The following TBL1XR1 variants were observed in gnomAD, a reference collection of about 807,000 sequenced individuals.
TBL1XR1 encodes the protein F-box-like/WD repeat-containing protein TBL1XR1.
In TBL1XR1, 5 loss-of-function variants were observed where a neutral mutation model predicts 66.9. The observed-to-expected ratio is 0.07, with a 90% CI of 0.04 to 0.16. TBL1XR1 has a LOEUF of 0.16. Ranked by LOEUF, TBL1XR1 falls within the 10% of genes least tolerant of loss-of-function variation. The pLI, the probability that TBL1XR1 is intolerant of heterozygous loss-of-function variation, is 1.00. For synonymous variants in TBL1XR1, 210 were observed against 206.0 expected (o/e 1.02, Z -0.17); for missense variants, 238 against 623.2 (o/e 0.38, Z 6.58).
intron 2 of TBL1XR1, among the ~76,000 whole-genome samples, chr3:177,081,955 T>A (rs1721453621): frequency 6.6e-6 from 1 of 152,082 alleles, no homozygotes; most frequent in African/African-American, 2.4e-5. Context: ...TAAGGAGAAT[T>A]TGATGTTTAA....
At chr3:177,187,571 T>C (rs1735580020) in intron 1 of TBL1XR1, among the ~76,000 whole-genome samples, 1 of 152,000 alleles carries the variant, frequency 6.6e-6, no homozygotes, top group African/African-American at 2.4e-5. Flanking sequence ...AAAGAATTGG[T>C]TTAAAAATAC....
At chr3:177,188,996 AGGGG>A (rs994812651) in intron 1 of TBL1XR1, among the ~76,000 whole-genome samples, 1 of 150,384 alleles carries the variant, frequency 6.6e-6, no homozygotes, top group African/African-American at 2.5e-5. Context: ...TCACGAGGTC[AGGGG>A]TTCAAGACCA....
intron 2 of TBL1XR1, among the ~76,000 whole-genome samples, chr3:177,071,031 G>GTTTTTTTTTTTTT (rs764951521): frequency 0.017 from 1,732 of 104,416 alleles, 171 homozygotes; most frequent in East Asian, 0.043. Context: ...CTGAGAATCT[G>GTTTTTTTTTTTTT]TTTTTTTTTT....
At chr3:177,040,503 T>A (rs1715434904) in intron 10 of TBL1XR1, among the ~76,000 whole-genome samples, 1 of 152,198 alleles carries the variant, frequency 6.6e-6, no homozygotes, top group Non-Finnish European at 1.5e-5. Context: ...CTTAAGCAGT[T>A]AAACTTATCA....
intron 1 of TBL1XR1, among the ~76,000 whole-genome samples, chr3:177,167,275 G>A (rs1732933342): frequency 6.6e-6 from 1 of 152,198 alleles, no homozygotes; most frequent in Non-Finnish European, 1.5e-5. Context: ...TTCCAGTTAT[G>A]TGACATTCTG....
chr3:177,027,544 C>A (rs1713317304), intron 14 of TBL1XR1: 1 of 152,092 alleles, frequency 6.6e-6, no homozygotes, highest in Non-Finnish European at 1.5e-5. Context: ...GGTGTTCGGC[C>A]CTGACAAATC....
intron 1 of TBL1XR1, among the ~76,000 whole-genome samples, chr3:177,114,298 A>T (rs1163399266): frequency 1.3e-5 from 2 of 151,526 alleles, no homozygotes; most frequent in Non-Finnish European, 2.9e-5. Context: ...ATATGGATAC[A>T]TATATATGAT....
chr3:177,134,945 CTG>C (rs10662042), intron 1 of TBL1XR1, among the ~76,000 whole-genome samples: 14 of 129,132 alleles, frequency 1.1e-4, no homozygotes, highest in African/African-American at 2.7e-4. Context: ...CACTGCAAGG[CTG>C]TGTGTGTGTG....
chr3:177,130,159 G>GAA (rs1491320749), intron 1 of TBL1XR1, among the ~76,000 whole-genome samples: 7 of 138,344 alleles, frequency 5.1e-5, no homozygotes, highest in Non-Finnish European at 1.1e-4. Flanking sequence ...AAAAAAAAAA[G>GAA]AAAGAAAGAA....
rs1285955474 is a variant in TBL1XR1, at chr3:177,076,361, C to G, written c.-45-11339G>C. ...GCCATGTTCTCCCTGTGTCTTCACA[C>G]TGTTCTCCCTCTGTATGTGCCCAAA... On this transcript the variant is annotated intron_variant, in intron 2 of 15. Coordinates refer to ENST00000457928, the MANE Select transcript of TBL1XR1 (RefSeq NM_024665.7). Among the ~76,000 whole-genome samples the G allele has an allele frequency of 1.3e-5, 2 of 152,216 alleles. 1 individual carries two copies. Among genetic ancestry groups the G allele is most frequent in the South Asian group, 4.1e-4 (2 of 4,830 alleles).
chr3:177,105,936 T>C (rs1166914588), intron 1 of TBL1XR1, among the ~76,000 whole-genome samples: 1 of 150,892 alleles, frequency 6.6e-6, no homozygotes, highest in Non-Finnish European at 1.5e-5. Flanking sequence ...AAATACTAAA[T>C]TGCAAAGTGA....
At chr3:177,181,159 A>C (rs552167311) in intron 1 of TBL1XR1, among the ~76,000 whole-genome samples, 9 of 152,188 alleles carry the variant, frequency 5.9e-5, no homozygotes, top group South Asian at 4.1e-4. Context: ...AACCTCCTCT[A>C]TTCTCCAACT....
intron 1 of TBL1XR1, among the ~76,000 whole-genome samples, chr3:177,188,343 G>A (rs748386995): frequency 6.8e-4 from 103 of 152,106 alleles, no homozygotes; most frequent in Non-Finnish European, 1.3e-3. Context: ...GAGGTCAGAG[G>A]TTCAAACCAG....
intron 1 of TBL1XR1, among the ~76,000 whole-genome samples, chr3:177,180,372 TCC>T (rs72342249): frequency 0.43 from 56,824 of 131,722 alleles, 12,347 homozygotes; most frequent in African/African-American, 0.48. Flanking sequence ...ATACGTTCAT[TCC>T]CCCCCCCCCC....
intron 1 of TBL1XR1, chr3:177,131,286 C>A (rs1728264179): frequency 4.2e-6 from 4 of 958,184 alleles, no homozygotes; most frequent in Non-Finnish European, 3.7e-6. Flanking sequence ...AAGCTATTTG[C>A]CTAATCATAA....
At chr3:177,083,766 T>G (rs959616082) in intron 2 of TBL1XR1, among the ~76,000 whole-genome samples, 12 of 148,054 alleles carry the variant, frequency 8.1e-5, no homozygotes, top group Admixed American at 2.0e-4. Context: ...CAAGTAATGG[T>G]TTTTTTTTGT....
At chr3:177,121,572 T>C (rs941310744) in intron 1 of TBL1XR1, among the ~76,000 whole-genome samples, 1 of 152,192 alleles carries the variant, frequency 6.6e-6, no homozygotes, top group Non-Finnish European at 1.5e-5. Flanking sequence ...GATTATAAAT[T>C]ACATGCATTA....
rs767976831 is a variant in TBL1XR1 at position 177,047,414 on chromosome 3, AAACATT to A, written c.767-23_767-18del. ...CAAGGTTACCTAAAATGCAAAAGAA[AAACATT>A]AACATTATTTTAAATTTTCTATCTT... On this transcript the variant is annotated intron_variant, in intron 8 of 15. Coordinates refer to ENST00000457928, the MANE Select transcript of TBL1XR1 (RefSeq NM_024665.7). The A allele has an allele frequency of 2.1e-5, 33 of 1,596,604 alleles. No individual in the cohort carries two copies. The highest frequency in any genetic ancestry group is 1.8e-4 in the Middle Eastern group (1 of 5,676).
chr3:177,095,558 C>A (rs974367212), intron 2 of TBL1XR1, among the ~76,000 whole-genome samples: 11 of 150,742 alleles, frequency 7.3e-5, no homozygotes, highest in Admixed American at 1.3e-4. Flanking sequence ...TGGCTTACTG[C>A]AACCTCTGCC....
Sources: allele counts gnomAD v4.1 joint callset (sites outside exome capture counted in the v4.1 genomes callset), GRCh38; gene constraint gnomAD v4.1.1; transcripts MANE v1.5; gene names NCBI Gene and HGNC (gene_info 2026-07-23, HGNC 2026-07-21).